CAMK2B: variants seen among roughly 807,000 people sequenced by gnomAD.
The protein encoded by CAMK2B is calcium/calmodulin-dependent protein kinase type II subunit beta.
CAMK2B carries 27 observed loss-of-function variants against 93.7 expected under a neutral mutation model. The ratio of observed to expected loss-of-function variants is 0.29; its 90% CI spans 0.21 to 0.40. The LOEUF is 0.40. Ranked by LOEUF, CAMK2B falls within the 10% of genes least tolerant of loss-of-function variation. The pLI, the probability that CAMK2B is intolerant of heterozygous loss-of-function variation, is 1.00. For missense variants in CAMK2B, 568 were observed against 895.8 expected (o/e 0.63, Z 4.67); for synonymous variants, 374 against 358.8 (o/e 1.04, Z -0.48).
chr7:44,300,020 C>CTG (rs143590426), intron 1 of CAMK2B, among the ~76,000 whole-genome samples: 57,919 of 141,378 alleles, frequency 0.41, 11,714 homozygotes, highest in African/African-American at 0.5. Flanking sequence ...GTGTATGTGT[C>CTG]TGTGTGTGTG....
chr7:44,321,774 G>T (rs913499533), intron 1 of CAMK2B, among the ~76,000 whole-genome samples: 1 of 152,170 alleles, frequency 6.6e-6, no homozygotes, highest in Non-Finnish European at 1.5e-5. Flanking sequence ...TCACGAGGCT[G>T]AATACAAAAT....
rs1175802242 is a variant in CAMK2B at position 44,240,652 on chromosome 7, G to T, written c.946+55C>A. 3.1e-6 allele frequency: 5 copies of T among 1,594,640 alleles called. No individual in the cohort carries two copies. In the African/African-American group the frequency reaches 5.4e-5, roughly 17 times the overall value. On this transcript the variant is annotated intron_variant, in intron 12 of 23. Coordinates refer to ENST00000395749, the MANE Select transcript of CAMK2B (RefSeq NM_001220.5). ...CTGGTGAGGAAGGAGGCGCTCTCCT[G>T]CGTGGGCCAGCAGGGAGGGGGCAGC...
In CAMK2B at chr7:44,228,844, G is replaced by A. The variant is rs772443083; in HGVS notation, c.1420C>T (p.Pro474Ser). 2.0e-6 allele frequency: 3 copies of A among 1,501,014 alleles called. No homozygotes were observed. The highest frequency in any genetic ancestry group is 2.7e-6 in the Non-Finnish European group (3 of 1,123,712). The allele number at this position is 1,501,014 out of a possible 1,614,324, so 93.0% of individuals were successfully genotyped here. A position where few individuals can be genotyped will look rare whatever the true frequency, so the allele number is the denominator to read the frequency against. The change falls in exon 19 of 24, where the codon CCC becomes TCC. Residue 474 changes from proline to serine, a missense_variant. This residue lies in a region of CAMK2B where 308 missense variants were observed against 292.1 expected (regional missense o/e 1.05). Transcript: ENST00000395749. ...AGAGCCGGAGACAGGCAGGGCGGGG[G>A]CCCCGCTGAGAGGGGGCCCTCGGCT... Reference protein sequence around the residue: ...PEAEGPLSAGPPPCLSPALLG... With the variant: ...PEAEGPLSAGSPPCLSPALLG...
At chr7:44,270,254 G>A (rs966172849) in intron 2 of CAMK2B, among the ~76,000 whole-genome samples, 1 of 152,152 alleles carries the variant, frequency 6.6e-6, no homozygotes, top group Admixed American at 6.5e-5. Context: ...AGCTGGGGAG[G>A]GCACTGGGAT....
At chr7:44,285,702 T>C (rs2129110938) in intron 1 of CAMK2B, among the ~76,000 whole-genome samples, 1 of 151,966 alleles carries the variant, frequency 6.6e-6, no homozygotes, top group East Asian at 1.9e-4. Flanking sequence ...GCAGTCACTG[T>C]GCTTGGGCGG....
intron 20 of CAMK2B, among the ~76,000 whole-genome samples, chr7:44,221,564 G>A (rs2096407184): frequency 6.6e-6 from 1 of 151,314 alleles, no homozygotes; most frequent in Admixed American, 6.6e-5. Context: ...AAGAACGAGC[G>A]TGGTCTCTTG....
chr7:44,260,252 G>T (rs542858724), intron 3 of CAMK2B, among the ~76,000 whole-genome samples: 12 of 152,294 alleles, frequency 7.9e-5, no homozygotes, highest in Admixed American at 7.8e-4. Flanking sequence ...CTAACTGGCT[G>T]CCAGTGCCCT....
rs1345255207 is a variant in CAMK2B, at chr7:44,271,948, T to C, written c.161-8884A>G. 6.6e-6 allele frequency among the ~76,000 whole-genome samples: 1 copy of C among 152,196 alleles called. No homozygotes were observed. Among genetic ancestry groups the C allele is most frequent in the Non-Finnish European group, 1.5e-5 (1 of 68,020 alleles). On this transcript the variant is annotated intron_variant, in intron 2 of 23. Transcript: ENST00000395749. This position sits in a 1 kb window ranked among gnomAD's most constrained non-coding sequence, Gnocchi z 4.2. ...TCTGGGCAGGCCTGTGAGCTGCTCA[T>C]GGCACCCATGAAACAGGGCTGTTGC... is the stretch of plus-strand genomic sequence containing the variant.
intron 3 of CAMK2B, among the ~76,000 whole-genome samples, chr7:44,260,826 G>GCCTTCT (rs959292308): frequency 1.2e-4 from 18 of 152,260 alleles, no homozygotes; most frequent in Non-Finnish European, 2.4e-4. Context: ...CAGCAGCCCA[G>GCCTTCT]CCTTCTCCTC....
In CAMK2B at chr7:44,299,898, T is replaced by C. The variant is rs116424951; in HGVS notation, c.66-15673A>G. Among the ~76,000 whole-genome samples, 199 of 152,314 alleles carry C rather than the reference T, an allele frequency of 1.3e-3. 1 individual carries two copies. The highest frequency in any genetic ancestry group is 4.7e-3 in the African/African-American group (194 of 41,556). Reference sequence around the variant, plus strand: ...CTTTAATGGCAAATTATATGTTACATATAATTTTGTTTTACCATAATTTAA... The same window carrying C: ...CTTTAATGGCAAATTATATGTTACACATAATTTTGTTTTACCATAATTTAA... On this transcript the variant is annotated intron_variant, in intron 1 of 23. Coordinates refer to ENST00000395749, the MANE Select transcript of CAMK2B (RefSeq NM_001220.5).
At chr7:44,282,839 C>T (rs2097113004) in intron 2 of CAMK2B, among the ~76,000 whole-genome samples, 1 of 152,236 alleles carries the variant, frequency 6.6e-6, no homozygotes, top group African/African-American at 2.4e-5. Flanking sequence ...ACATTAGGCC[C>T]TCAGCATCTG....
At chr7:44,310,219 A>T (rs1176542199) in intron 1 of CAMK2B, among the ~76,000 whole-genome samples, 1 of 152,262 alleles carries the variant, frequency 6.6e-6, no homozygotes, top group Non-Finnish European at 1.5e-5. Context: ...TTTATTCTCA[A>T]GGAATGCAAA....
intron 1 of CAMK2B, among the ~76,000 whole-genome samples, chr7:44,308,609 A>G (rs1030119507): frequency 2.0e-5 from 3 of 152,150 alleles, no homozygotes; most frequent in Non-Finnish European, 2.9e-5. Flanking sequence ...GGAGGGCAGG[A>G]CAAGGTTCCA....
At chr7:44,237,663 C>T (rs186061128) in intron 13 of CAMK2B, among the ~76,000 whole-genome samples, 5 of 152,296 alleles carry the variant, frequency 3.3e-5, no homozygotes, top group East Asian at 1.9e-4. Flanking sequence ...AGAGTCCTGT[C>T]GATGCCCATC....
At chr7:44,254,750 T>G in intron 4 of CAMK2B, 143 bp from the exon 5 acceptor site, 2 of 390,496 alleles carry the variant, frequency 5.1e-6, no homozygotes, top group Non-Finnish European at 9.0e-6. Context: ...ATCACCAGCA[T>G]CATCACAATC....
intron 2 of CAMK2B, among the ~76,000 whole-genome samples, chr7:44,278,304 T>G (rs1403860909): frequency 6.6e-6 from 1 of 152,080 alleles, no homozygotes; most frequent in Admixed American, 6.5e-5. Flanking sequence ...TGGAGAGGGA[T>G]GGTCTCAGAG....
chr7:44,277,890 G>T (rs1357662703), intron 2 of CAMK2B, among the ~76,000 whole-genome samples: 4 of 152,196 alleles, frequency 2.6e-5, no homozygotes. Context: ...AGTGGGGAAG[G>T]CCATTTTGGG....
chr7:44,240,851 C>T (rs2096671285), intron 11 of CAMK2B, 102 bp from the exon 12 acceptor site: 2 of 1,262,844 alleles, frequency 1.6e-6, no homozygotes. Flanking sequence ...TGCTCAGCCT[C>T]ATTGTCATGA....
At chr7:44,265,837 C>T (rs1277136725) in intron 2 of CAMK2B, among the ~76,000 whole-genome samples, 1 of 152,150 alleles carries the variant, frequency 6.6e-6, no homozygotes, top group Non-Finnish European at 1.5e-5. Context: ...CGACCACCTC[C>T]TCCCAGCAGC....
Sources: allele counts gnomAD v4.1 joint callset (sites outside exome capture counted in the v4.1 genomes callset), GRCh38; gene constraint gnomAD v4.1.1; regional missense constraint gnomAD v4.1.1; non-coding constraint Gnocchi (gnomAD v3.1); transcripts MANE v1.5; gene names NCBI Gene and HGNC (gene_info 2026-07-23, HGNC 2026-07-21).